Variants in SLC24A2 observed in about 807,000 individuals in gnomAD.
SLC24A2 encodes sodium/potassium/calcium exchanger 2.
A neutral mutation model predicts 62.0 loss-of-function variants in SLC24A2; 36 were observed. That is an observed-to-expected ratio of 0.58 (90% confidence interval 0.44 to 0.77). The LOEUF is 0.77. Ranked by LOEUF, SLC24A2 falls within the 30% of genes least tolerant of loss-of-function variation. The pLI is 0.00. For synonymous variants in SLC24A2, 358 were observed against 294.0 expected, an observed-to-expected ratio of 1.22 and a Z score of -2.23; for missense variants, 846 against 817.9, an observed-to-expected ratio of 1.03 and a Z score of -0.42.
At chr9:19,553,771 C>A (rs996448725) in intron 7 of SLC24A2, among the ~76,000 whole-genome samples, 1 of 152,224 alleles carries the variant, frequency 6.6e-6, no homozygotes. Flanking sequence ...AGGACTCCTG[C>A]TTTCAAGGAG....
At chr9:20,226,633 T>C in the SLC24A2 span, among the ~76,000 whole-genome samples, 1 of 152,084 alleles carries the variant, frequency 6.6e-6, no homozygotes, top group Non-Finnish European at 1.5e-5. Flanking sequence ...TTGGCTATAA[T>C]ATAGACCTGA....
chr9:19,553,359 C>G (rs1249176391), intron 7 of SLC24A2, among the ~76,000 whole-genome samples: 1 of 152,122 alleles, frequency 6.6e-6, no homozygotes, highest in Non-Finnish European at 1.5e-5. Context: ...CTCACCCTTA[C>G]CTCCTAAAAT....
At chr9:19,702,596 T>G (rs1233333405) in intron 2 of SLC24A2, among the ~76,000 whole-genome samples, 1 of 152,186 alleles carries the variant, frequency 6.6e-6, no homozygotes, top group Non-Finnish European at 1.5e-5. Context: ...TACATAATAA[T>G]AGCTACAATA....
intron 2 of SLC24A2, among the ~76,000 whole-genome samples, chr9:19,642,408 G>T (rs1818523010): frequency 6.6e-6 from 1 of 152,168 alleles, no homozygotes; most frequent in Non-Finnish European, 1.5e-5. Context: ...ACAAAGCTCA[G>T]CTGGAGCTCA....
chr9:19,847,656 G>A, the SLC24A2 span, among the ~76,000 whole-genome samples: 8 of 152,124 alleles, frequency 5.3e-5, no homozygotes, highest in Admixed American at 5.2e-4. Context: ...TACACAGAAC[G>A]CAAGCATGAT....
At chr9:19,691,929 C>T (rs538263962) in intron 2 of SLC24A2, among the ~76,000 whole-genome samples, 26 of 152,200 alleles carry the variant, frequency 1.7e-4, no homozygotes, top group African/African-American at 5.8e-4. Flanking sequence ...CAGGGCACTC[C>T]AATGCCTTTA....
the SLC24A2 span, among the ~76,000 whole-genome samples, chr9:20,295,401 T>A: frequency 1.3e-5 from 2 of 152,170 alleles, no homozygotes; most frequent in African/African-American, 2.4e-5. Flanking sequence ...GGGTGCCAAG[T>A]GGACAAGGAG....
chr9:19,806,420 G>T, the SLC24A2 span, among the ~76,000 whole-genome samples: 2 of 152,164 alleles, frequency 1.3e-5, no homozygotes, highest in Non-Finnish European at 2.9e-5. Context: ...AAATATAAAG[G>T]TTTGGGGTCA....
the SLC24A2 span, among the ~76,000 whole-genome samples, chr9:20,028,336 T>A: frequency 1.3e-5 from 2 of 152,308 alleles, no homozygotes; most frequent in African/African-American, 4.8e-5. Flanking sequence ...GCACTGATGG[T>A]TCAGCCAGCA....
chr9:20,171,995 T>C, the SLC24A2 span, among the ~76,000 whole-genome samples: 14 of 151,676 alleles, frequency 9.2e-5, no homozygotes, highest in Admixed American at 2.6e-4. Flanking sequence ...TTTAAGAAAA[T>C]TGAAATTATA....
intron 2 of SLC24A2, among the ~76,000 whole-genome samples, chr9:19,779,726 C>T (rs1487010223): frequency 1.3e-5 from 2 of 152,122 alleles, no homozygotes; most frequent in Admixed American, 1.3e-4. Flanking sequence ...ATTTATGAGG[C>T]TTAAAAAATG....
At chr9:20,211,470 C>T in the SLC24A2 span, among the ~76,000 whole-genome samples, 703 of 152,258 alleles carry the variant, frequency 4.6e-3, 2 homozygotes, top group Non-Finnish European at 5.4e-3. Context: ...TGAGATCACA[C>T]CATTGCACTC....
the SLC24A2 span, among the ~76,000 whole-genome samples, chr9:19,865,101 A>T: frequency 1.3e-4 from 20 of 152,140 alleles, no homozygotes; most frequent in African/African-American, 4.8e-4. Context: ...CAAATGAATT[A>T]AATACGTAGG....
the SLC24A2 span, among the ~76,000 whole-genome samples, chr9:20,227,656 G>A: frequency 2.5e-3 from 385 of 151,886 alleles, 1 homozygote; most frequent in African/African-American, 8.8e-3. Flanking sequence ...TCTATGCCCT[G>A]CTATCAGCGT....
At chr9:20,001,118 A>C in the SLC24A2 span, among the ~76,000 whole-genome samples, 1 of 152,194 alleles carries the variant, frequency 6.6e-6, no homozygotes, top group South Asian at 2.1e-4. Context: ...GCCACAAAGG[A>C]GAAAGTTAAA....
the SLC24A2 span, among the ~76,000 whole-genome samples, chr9:20,220,436 A>G: frequency 8.5e-5 from 13 of 152,150 alleles, no homozygotes; most frequent in African/African-American, 3.1e-4. Context: ...AGAGCTCCAT[A>G]TGGGTAAGCA....
At chr9:19,828,926 A>G in the SLC24A2 span, among the ~76,000 whole-genome samples, 2 of 152,184 alleles carry the variant, frequency 1.3e-5, no homozygotes, top group Non-Finnish European at 1.5e-5. Flanking sequence ...GGCTATTTTA[A>G]CAAGTTCAGC....
At chr9:19,702,477 G>T (rs973847503) in intron 2 of SLC24A2, among the ~76,000 whole-genome samples, 4 of 152,120 alleles carry the variant, frequency 2.6e-5, no homozygotes, top group Non-Finnish European at 5.9e-5. Flanking sequence ...ATGGTGACTT[G>T]TCGCATAACA....
chr9:19,661,863 C>T (rs1819111789), intron 2 of SLC24A2, among the ~76,000 whole-genome samples: 2 of 150,788 alleles, frequency 1.3e-5, no homozygotes, highest in African/African-American at 4.9e-5. Context: ...AGTGTAGATT[C>T]CTGAAAATAT....
Sources: allele counts gnomAD v4.1 joint callset (sites outside exome capture counted in the v4.1 genomes callset), GRCh38; gene constraint gnomAD v4.1.1; transcripts MANE v1.5; gene names NCBI Gene and HGNC (gene_info 2026-07-23, HGNC 2026-07-21).